Variants in RUBCNL observed in about 807,000 individuals in gnomAD.
RUBCNL encodes the protein protein associated with UVRAG as autophagy enhancer.
Under a neutral mutation model 69.5 loss-of-function variants are expected in RUBCNL, and 62 were observed. The observed-to-expected ratio is 0.89, with a 90% confidence interval of 0.73 to 1.10. The LOEUF is 1.10. Among genes scored for constraint, RUBCNL ranks in the 50% least tolerant of loss-of-function variants. RUBCNL has a pLI of 0.00. For synonymous variants in RUBCNL, 291 were observed against 303.6 expected (o/e 0.96, Z 0.43); for missense variants, 768 against 798.1 (o/e 0.96, Z 0.45).
rs770827606 is a variant in RUBCNL, at chr13:46,362,923, C to CATATATATATATAT, written c.925+178_925+191dup. Among the ~76,000 whole-genome samples, 88 of 88,018 alleles carry CATATATATATATAT rather than the reference C, an allele frequency of 1.0e-3. 7 individuals carry two copies. The highest frequency in any genetic ancestry group is 2.4e-3 in the South Asian group (6 of 2,474). 57.7% of individuals were successfully genotyped at this position (88,018 alleles called of 152,430 possible). ...ATCCAGACATTTGAAACAAGAACATCATATATATATATATAGATATATATA... is the reference window on the plus strand; with the variant it reads ...ATCCAGACATTTGAAACAAGAACATCATATATATATATATATATATATATATATAGATATATATA... On this transcript the variant is annotated intron_variant, in intron 6 of 14. Coordinates refer to ENST00000429979, the MANE Select transcript of RUBCNL (RefSeq NM_025113.5).
chr13:46,360,275 T>C (rs754504440), intron 8 of RUBCNL, among the ~76,000 whole-genome samples: 2 of 151,886 alleles, frequency 1.3e-5, no homozygotes, highest in Non-Finnish European at 2.9e-5. Flanking sequence ...GAGGTGGAGG[T>C]TGCAGTGAGT....
Position 46,337,170 on chromosome 13 carries a change from G to A in RUBCNL, c.*6215C>T, listed in dbSNP as rs952200817. 1.3e-5 allele frequency among the ~76,000 whole-genome samples: 2 copies of A among 151,888 alleles called. No individual in the cohort carries two copies. Among genetic ancestry groups the A allele is most frequent in the Non-Finnish European group, 2.9e-5 (2 of 67,958 alleles). ...TTTGGGGGCAGGGAGGGGGGACCAAGTCTCACTCTGTTGTCAGGCTGGAGT... is the reference window on the plus strand; with the variant it reads ...TTTGGGGGCAGGGAGGGGGGACCAAATCTCACTCTGTTGTCAGGCTGGAGT... On this transcript the variant is annotated 3_prime_UTR_variant, in exon 15 of 15. Coordinates refer to ENST00000429979, the MANE Select transcript of RUBCNL (RefSeq NM_025113.5).
chr13:46,360,967 TA>T lies in RUBCNL; in HGVS notation c.1119+473del, dbSNP rs200191609. The stretch of plus-strand genomic sequence containing the variant: ...GGCCGGGCACGGTGGCTCAGGCCTA[TA>T]ATCCTAGCACTTTGAGAGGCCAAGG... On this transcript the variant is annotated intron_variant, in intron 8 of 14. Coordinates refer to ENST00000429979, the MANE Select transcript of RUBCNL (RefSeq NM_025113.5). 8.6e-3 allele frequency among the ~76,000 whole-genome samples: 1,312 copies of T among 152,308 alleles called. 16 individuals are homozygous for T. The highest frequency in any genetic ancestry group is 0.028 in the African/African-American group (1,150 of 41,572).
At position 46,340,645 on chromosome 13, in the gene RUBCNL, TCGC is replaced by T. The variant is rs2048135140; in HGVS notation, c.*2737_*2739del. On this transcript the variant is annotated 3_prime_UTR_variant, in exon 15 of 15. Coordinates refer to ENST00000429979, the MANE Select transcript of RUBCNL (RefSeq NM_025113.5). ...TATGGTTCTGCGGGCTGTACAAGCA[TCGC>T]ACCAATATCTGCTTCTGGTTAGGAC... 2.0e-5 allele frequency among the ~76,000 whole-genome samples: 3 copies of T among 152,308 alleles called. No individual in the cohort carries two copies. The highest frequency in any genetic ancestry group is 6.5e-5 in the Admixed American group (1 of 15,304).
rs2048607498 is a variant in RUBCNL, at chr13:46,361,435, A to G, written c.1119+6T>C. ...CAATTCAAGGTCAATTTTTTTTGAT[A>G]CTTACTATCGAGCCAGCTGCACTCA... On this transcript the variant is annotated splice_donor_region_variant and intron_variant, in intron 8 of 14. Coordinates refer to ENST00000429979, the MANE Select transcript of RUBCNL (RefSeq NM_025113.5). 1 of 1,612,162 alleles carries G rather than the reference A, an allele frequency of 6.2e-7. No homozygotes were observed. The highest frequency in any genetic ancestry group is 1.7e-5 in the Admixed American group (1 of 59,528).
intron 2 of RUBCNL, among the ~76,000 whole-genome samples, chr13:46,375,385 T>A (rs2048968399): frequency 6.6e-6 from 1 of 152,140 alleles, no homozygotes; most frequent in Non-Finnish European, 1.5e-5. Context: ...ATACAAAAAT[T>A]AGCTGGGCGT....
At position 46,345,585 on chromosome 13, in the gene RUBCNL, G is replaced by C; in HGVS notation, c.1647C>G (p.Phe549Leu). ...CRFANSALKE[F>L]EQVPGHLTDE... The stretch of plus-strand genomic sequence containing the variant: ...CAGTCAAGTGTCCCGGCACCTGCTC[G>C]AACTCCTTTAATGCACTGCCAGAGA... Residue 549 changes from phenylalanine to leucine, a missense_variant, in exon 13 of 15, where the codon TTC (phenylalanine) becomes TTG (leucine). By Grantham distance (22) the Phe-to-Leu change is conservative. Transcript: ENST00000429979. The C allele has an allele frequency of 6.2e-7, 1 of 1,613,586 alleles. No individual in the cohort carries two copies. Among genetic ancestry groups the C allele is most frequent in the Non-Finnish European group, 8.5e-7 (1 of 1,179,780 alleles).
intron 12 of RUBCNL, among the ~76,000 whole-genome samples, chr13:46,345,811 G>C (rs1259183002): frequency 6.6e-6 from 1 of 152,190 alleles, no homozygotes; most frequent in Non-Finnish European, 1.5e-5. Flanking sequence ...AAAATTCCAT[G>C]AAAGCTGATT....
chr13:46,362,923 C>CATATATATATATATAGATATATATAT (rs1288174351), intron 6 of RUBCNL, among the ~76,000 whole-genome samples, 192 bp downstream of exon 6: 4 of 88,038 alleles, frequency 4.5e-5, no homozygotes, highest in South Asian at 4.0e-4. Flanking sequence ...ACAAGAACAT[C>CATATATATATATATAGATATATATAT]ATATATATAT....
rs796862477 is a variant in RUBCNL, at chr13:46,337,126, CTCT to C, written c.*6256_*6258del. ...AGACCCCAGGGGGTTCTCTCTCTCT[CTCT>C]TTTCCTTTTTCTTTTTTTGGGGGCA... On this transcript the variant is annotated 3_prime_UTR_variant, in exon 15 of 15. Coordinates refer to ENST00000429979, the MANE Select transcript of RUBCNL (RefSeq NM_025113.5). Among the ~76,000 whole-genome samples, 27 of 150,884 alleles carry C rather than the reference CTCT, an allele frequency of 1.8e-4. 2 individuals carry two copies. The highest frequency in any genetic ancestry group is 7.8e-4 in the East Asian group (4 of 5,110).
At chr13:46,347,988 G>A (rs931471967) in intron 12 of RUBCNL, among the ~76,000 whole-genome samples, 4 of 151,674 alleles carry the variant, frequency 2.6e-5, no homozygotes, top group East Asian at 3.9e-4. Context: ...AGGAGACTCC[G>A]TCTCAAAAAA....
chr13:46,381,549 C>T (rs900078496), intron 1 of RUBCNL, among the ~76,000 whole-genome samples: 3 of 152,124 alleles, frequency 2.0e-5, no homozygotes, highest in Admixed American at 6.6e-5. Context: ...TGTGAATACA[C>T]TGAAAATCAC....
chr13:46,387,301 C>A (rs2049273015), upstream of RUBCNL: 9 of 985,534 alleles, frequency 9.1e-6, no homozygotes, highest in Non-Finnish European at 9.6e-6. Flanking sequence ...GACGCCGCCA[C>A]GCCCCCCGCC....
In RUBCNL at chr13:46,339,445, T is replaced by C. The variant is rs998590954; in HGVS notation, c.*3940A>G. ...CATCTGACGGTGGCTAAGCCAGCCA[T>C]GCAGGCTCAGACCTGGGGGCAGAAA... On this transcript the variant is annotated 3_prime_UTR_variant, in exon 15 of 15. Transcript: ENST00000429979. 6.6e-6 allele frequency among the ~76,000 whole-genome samples: 1 copy of C among 152,180 alleles called. No homozygotes were observed. Among genetic ancestry groups the C allele is most frequent in the African/African-American group, 2.4e-5 (1 of 41,436 alleles).
chr13:46,338,223 C>T lies in RUBCNL; in HGVS notation c.*5162G>A, dbSNP rs2048116594. Among the ~76,000 whole-genome samples, 1 of 152,188 alleles carries T rather than the reference C, an allele frequency of 6.6e-6. No homozygotes were observed. The highest frequency in any genetic ancestry group is 1.5e-5 in the Non-Finnish European group (1 of 68,038). On this transcript the variant is annotated 3_prime_UTR_variant, in exon 15 of 15. Transcript: ENST00000429979. The stretch of plus-strand genomic sequence containing the variant: ...TAAAATTTGAAATATGTTTTATCTT[C>T]CTACCATGGTGAATATCCCTTCATC...
At chr13:46,378,417 A>G (rs1219166299) in intron 1 of RUBCNL, 1 of 154,468 alleles carries the variant, frequency 6.5e-6, no homozygotes, top group Non-Finnish European at 1.4e-5. Flanking sequence ...AAAAACATTT[A>G]AGGGAAGAGA....
chr13:46,368,422 C>G lies in RUBCNL; in HGVS notation c.619-173G>C, dbSNP rs776834143. 1,902 of 982,258 alleles carry G rather than the reference C, an allele frequency of 1.9e-3. 6 individuals are homozygous for G. Among genetic ancestry groups the G allele is most frequent in the Non-Finnish European group, 2.1e-3 (1,770 of 827,188 alleles). The allele number at this position is 982,258 out of a possible 1,614,324, so 60.8% of individuals were successfully genotyped here. A position where few individuals can be genotyped will look rare whatever the true frequency, so the allele number is the denominator to read the frequency against. On this transcript the variant is annotated intron_variant, in intron 4 of 14. Coordinates refer to ENST00000429979, the MANE Select transcript of RUBCNL (RefSeq NM_025113.5). Reference sequence around the variant, plus strand: ...TCTATGACTTATAGCACACATTGTCCAGAGACATAGATTCGGCTTACTATA... The same window carrying G: ...TCTATGACTTATAGCACACATTGTCGAGAGACATAGATTCGGCTTACTATA...
intron 2 of RUBCNL, among the ~76,000 whole-genome samples, chr13:46,372,948 A>G (rs954605954): frequency 3.3e-5 from 5 of 152,156 alleles, no homozygotes; most frequent in Admixed American, 2.0e-4. Flanking sequence ...ATCTGGAAGT[A>G]AAGACACATT....
chr13:46,368,179 C>T lies in RUBCNL; in HGVS notation c.689G>A (p.Ser230Asn), dbSNP rs142539037. ...AMEKMKCNIL[S>N]QQQTESWSKE... ...ACTCCAGCTCTCTGTCTGCTGTTGA[C>T]TCAGAATGTTACACTTCATTTTCTC... The change falls in exon 5 of 15, where the codon AGT becomes AAT. Residue 230 changes from serine (S) to asparagine (N), a missense_variant. By Grantham distance (46) the Ser-to-Asn change is conservative. Transcript: ENST00000429979. 1.2e-4 allele frequency: 199 copies of T among 1,613,868 alleles called. No individual in the cohort carries two copies. Among genetic ancestry groups the T allele is most frequent in the Non-Finnish European group, 1.4e-4 (167 of 1,179,904 alleles).
Sources: gnomAD v4.1 joint callset for allele counts (sites outside exome capture counted in the v4.1 genomes callset) on GRCh38, gnomAD v4.1.1 for gene constraint, MANE v1.5 for transcripts, NCBI Gene and HGNC (gene_info 2026-07-23, HGNC 2026-07-21) for gene names.